Variants in FRAS1 observed in about 807,000 individuals in gnomAD.
The protein encoded by FRAS1 is Fraser extracellular matrix complex subunit 1.
FRAS1 carries 290 observed loss-of-function variants against 435.2 expected under a neutral mutation model. The observed-to-expected ratio is 0.67, with a 90% confidence interval of 0.61 to 0.73. The LOEUF (loss-of-function observed/expected upper bound fraction) is 0.73, where lower values mean the gene tolerates loss of function less well. FRAS1 is among the 30% of genes least tolerant of loss of function. FRAS1 has a pLI of 0.00. For missense variants in FRAS1, 4,860 were observed against 5,001.5 expected, an observed-to-expected ratio of 0.97 and a Z score of 0.85; for synonymous variants, 1,800 against 1,851.0, an observed-to-expected ratio of 0.97 and a Z score of 0.71.
At chr4:78,426,685 A>G (rs1328746412) in intron 35 of FRAS1, among the ~76,000 whole-genome samples, 1 of 152,226 alleles carries the variant, frequency 6.6e-6, no homozygotes, top group Non-Finnish European at 1.5e-5. Context: ...CAAGGAACAC[A>G]CTTAAGGCAA....
At chr4:78,268,609 T>A (rs1416007453) in intron 9 of FRAS1, among the ~76,000 whole-genome samples, 1 of 152,180 alleles carries the variant, frequency 6.6e-6, no homozygotes, top group Admixed American at 6.5e-5. Flanking sequence ...CTAGAATTTA[T>A]GAAAAAATGT....
chr4:78,408,882 G>T (rs572370794), intron 31 of FRAS1, among the ~76,000 whole-genome samples: 1 of 151,948 alleles, frequency 6.6e-6, no homozygotes, highest in Non-Finnish European at 1.5e-5. Context: ...TCAACACCTC[G>T]GGAGGCCAAG....
chr4:78,063,635 T>C (rs557332263), intron 1 of FRAS1, among the ~76,000 whole-genome samples: 1 of 152,320 alleles, frequency 6.6e-6, no homozygotes, highest in African/African-American at 2.4e-5. Flanking sequence ...CACTCAGTGC[T>C]ACTTTATTTT....
chr4:78,196,106 C>G (rs1722800520), intron 2 of FRAS1, among the ~76,000 whole-genome samples: 1 of 152,124 alleles, frequency 6.6e-6, no homozygotes, highest in Non-Finnish European at 1.5e-5. Context: ...CTCCCGGGTT[C>G]ATGCCATTCT....
intron 2 of FRAS1, among the ~76,000 whole-genome samples, chr4:78,164,031 G>A (rs1721243170): frequency 6.6e-6 from 1 of 152,212 alleles, no homozygotes; most frequent in African/African-American, 2.4e-5. Context: ...CTGAACAACA[G>A]TTGGGTTCAA....
intron 2 of FRAS1, among the ~76,000 whole-genome samples, chr4:78,121,430 G>T (rs77754743): frequency 0.019 from 2,860 of 152,292 alleles, 99 homozygotes; most frequent in African/African-American, 0.065. Flanking sequence ...CCTGATTAGG[G>T]TGAGGGGTGT....
chr4:78,268,546 G>A (rs769094778), intron 9 of FRAS1, among the ~76,000 whole-genome samples: 4 of 152,092 alleles, frequency 2.6e-5, no homozygotes, highest in African/African-American at 9.7e-5. Flanking sequence ...TCCCTGCCTC[G>A]GCAGTCTGCC....
chr4:78,097,160 C>A (rs1484328151), intron 2 of FRAS1, among the ~76,000 whole-genome samples: 1 of 152,186 alleles, frequency 6.6e-6, no homozygotes, highest in Non-Finnish European at 1.5e-5. Context: ...TAAAACATAA[C>A]AAGAGTCACC....
chr4:78,315,339 G>C (rs1250452511), intron 15 of FRAS1, among the ~76,000 whole-genome samples: 2 of 152,290 alleles, frequency 1.3e-5, no homozygotes, highest in East Asian at 3.9e-4. Flanking sequence ...TATTAAGTTG[G>C]TTACACTGGT....
At chr4:78,103,650 A>T (rs906399854) in intron 2 of FRAS1, among the ~76,000 whole-genome samples, 1 of 152,134 alleles carries the variant, frequency 6.6e-6, no homozygotes, top group Non-Finnish European at 1.5e-5. Flanking sequence ...AGCCCTCATG[A>T]TTGGGGTTAG....
intron 41 of FRAS1, chr4:78,444,045 G>C (rs1014244821): frequency 5.3e-6 from 2 of 377,358 alleles, no homozygotes; most frequent in Admixed American, 3.5e-5. Context: ...TGTAGAGACA[G>C]GGTCTCACTA....
chr4:78,500,047 T>G, intron 61 of FRAS1, 126 bp downstream of exon 61: 1 of 685,568 alleles, frequency 1.5e-6, no homozygotes, highest in Non-Finnish European at 2.2e-6. Flanking sequence ...TAAAGCATTT[T>G]TAAGCACACA....
At chr4:78,441,133 AG>A in intron 40 of FRAS1, 28 bp from the exon 41 acceptor site, 1 of 1,611,778 alleles carries the variant, frequency 6.2e-7, no homozygotes, top group Non-Finnish European at 8.5e-7. Context: ...GAAATCACCA[AG>A]GACTCTCTAT....
intron 2 of FRAS1, among the ~76,000 whole-genome samples, chr4:78,113,663 G>T (rs183965764): frequency 2.9e-3 from 444 of 152,110 alleles, no homozygotes; most frequent in South Asian, 0.016. Context: ...TTGCCCACTT[G>T]TTGATGGGGT....
At chr4:78,102,204 A>C (rs1742165424) in intron 2 of FRAS1, among the ~76,000 whole-genome samples, 1 of 152,206 alleles carries the variant, frequency 6.6e-6, no homozygotes, top group Non-Finnish European at 1.5e-5. Context: ...GTTTTCTTAG[A>C]GATTTCTCAG....
In FRAS1 at chr4:78,537,131, C is replaced by T. The variant is rs1721909888; in HGVS notation, c.11229C>T (p.Ile3743=). The change falls in exon 72 of 74, where the codon ATC becomes ATT. Residue 3743 remains isoleucine, a synonymous_variant. Coordinates refer to ENST00000512123, the MANE Select transcript of FRAS1 (RefSeq NM_025074.7). ...YVPFFDPTGT[I]YNEGPQYGCI... ...CTTTCTTTGATCCCACGGGGACAAT[C>T]TACAATGAAGGGCCCCAGTATGGAT... is the stretch of plus-strand genomic sequence containing the variant. 6.2e-7 allele frequency: 1 copy of T among 1,614,010 alleles called. No individual in the cohort carries two copies. The highest frequency in any genetic ancestry group is 2.2e-5 in the East Asian group (1 of 44,882).
intron 2 of FRAS1, among the ~76,000 whole-genome samples, chr4:78,148,616 G>A (rs949794250): frequency 1.3e-5 from 2 of 152,106 alleles, no homozygotes; most frequent in African/African-American, 4.8e-5. Flanking sequence ...TTATGTATCT[G>A]ATCTTAATTA....
At chr4:78,072,878 G>C (rs1740429086) in intron 2 of FRAS1, among the ~76,000 whole-genome samples, 1 of 152,098 alleles carries the variant, frequency 6.6e-6, no homozygotes, top group African/African-American at 2.4e-5. Flanking sequence ...CCTTTAACTA[G>C]AGATATTCAA....
intron 2 of FRAS1, among the ~76,000 whole-genome samples, chr4:78,188,463 T>C (rs1578174704): frequency 6.6e-6 from 1 of 152,230 alleles, no homozygotes; most frequent in African/African-American, 2.4e-5. Flanking sequence ...GCTAGGCCAC[T>C]GGACCTTGCA....
Sources: allele counts gnomAD v4.1 joint callset (sites outside exome capture counted in the v4.1 genomes callset), GRCh38; gene constraint gnomAD v4.1.1; transcripts MANE v1.5; gene names NCBI Gene and HGNC (gene_info 2026-07-23, HGNC 2026-07-21).